CDK14: variants seen among roughly 807,000 people sequenced by gnomAD.
The protein encoded by CDK14 is cyclin-dependent kinase 14.
CDK14 carries 34 observed loss-of-function variants against 60.7 expected under a neutral mutation model. That is an observed-to-expected ratio of 0.56 (90% CI 0.43 to 0.75). The LOEUF (loss-of-function observed/expected upper bound fraction) is 0.75. CDK14 is among the 30% of genes least tolerant of loss of function. CDK14 has a pLI of 0.00. For synonymous variants in CDK14, 197 were observed against 203.7 expected (o/e 0.97, Z 0.28); for missense variants, 482 against 564.1 (o/e 0.85, Z 1.47).
At chr7:90,967,028 G>A (rs1018897275) in intron 9 of CDK14, among the ~76,000 whole-genome samples, 2 of 152,018 alleles carry the variant, frequency 1.3e-5, no homozygotes, top group Non-Finnish European at 2.9e-5. Flanking sequence ...GTTAGTGAGT[G>A]CTGCTTGAGG....
At chr7:90,710,919 A>T (rs144885091) in intron 2 of CDK14, among the ~76,000 whole-genome samples, 1 of 152,138 alleles carries the variant, frequency 6.6e-6, no homozygotes, top group Non-Finnish European at 1.5e-5. Context: ...AGTGAGATTA[A>T]TAACATTACT....
intron 11 of CDK14, among the ~76,000 whole-genome samples, chr7:91,061,146 C>A (rs1797771700): frequency 2.0e-5 from 3 of 152,004 alleles, no homozygotes; most frequent in Admixed American, 6.6e-5. Flanking sequence ...TCATTTCATT[C>A]ATTTGATCTT....
chr7:91,164,552 C>T (rs1017178297), intron 14 of CDK14, among the ~76,000 whole-genome samples: 2 of 152,170 alleles, frequency 1.3e-5, no homozygotes, highest in African/African-American at 4.8e-5. Context: ...GATGGCTCCT[C>T]CAGGTCTCAT....
intron 9 of CDK14, 147 bp downstream of exon 9, chr7:90,955,964 C>A: frequency 2.1e-6 from 2 of 945,010 alleles, no homozygotes; most frequent in Non-Finnish European, 3.2e-6. Context: ...TGTTTTAAAA[C>A]ATGATTGGGA....
At chr7:90,932,156 C>G (rs1793612371) in intron 8 of CDK14, among the ~76,000 whole-genome samples, 1 of 152,142 alleles carries the variant, frequency 6.6e-6, no homozygotes, top group Admixed American at 6.5e-5. Flanking sequence ...TCACAGCTGG[C>G]TTTGGATTTC....
intron 14 of CDK14, among the ~76,000 whole-genome samples, chr7:91,143,410 A>G (rs998637353): frequency 4.6e-5 from 7 of 152,160 alleles, no homozygotes; most frequent in South Asian, 2.1e-4. Flanking sequence ...ATAAAGCACA[A>G]TTGTAAGGTT....
At position 90,622,249 on chromosome 7, in the gene CDK14, A is replaced by G. The variant is rs531782756; in HGVS notation, c.123+18000A>G. On this transcript the variant is annotated intron_variant, in intron 2 of 14. Transcript: ENST00000380050. The stretch of plus-strand genomic sequence containing the variant: ...ACCGGTCAGATGTTGAGTGTTGTCA[A>G]TAATTTAGTGCCTGCATCTTTTTAT... Among the ~76,000 whole-genome samples the G allele has an allele frequency of 2.5e-4, 37 of 147,362 alleles. 1 individual carries two copies. In the South Asian group the frequency reaches 7.0e-3, roughly 28 times the overall value.
At chr7:91,006,475 A>G (rs1461401875) in intron 10 of CDK14, among the ~76,000 whole-genome samples, 1 of 152,198 alleles carries the variant, frequency 6.6e-6, no homozygotes, top group African/African-American at 2.4e-5. Flanking sequence ...GTGCTACTAA[A>G]TTCATTTTCT....
Position 90,726,727 on chromosome 7 carries a change from C to A in CDK14, c.284C>A (p.Ser95Tyr). ...GCTAATCAAGTAAAGAGGGTGCATT[C>A]TGAGAACAATGCTTGCATTAACTTT... ...KPANQVKRVHSENNACINFKT... is the reference protein window; with the variant it reads ...KPANQVKRVHYENNACINFKT... The change falls in exon 3 of 15, where the codon TCT (serine) becomes TAT (tyrosine). Residue 95 changes from serine to tyrosine, a missense_variant. Physicochemically the swap from Ser to Tyr is moderately radical, Grantham distance 144 (BLOSUM62 -2). Transcript: ENST00000380050. 1 of 1,613,850 alleles carries A rather than the reference C, an allele frequency of 6.2e-7. No homozygotes were observed. The highest frequency in any genetic ancestry group is 8.5e-7 in the Non-Finnish European group (1 of 1,179,808).
chr7:90,971,114 T>C (rs1330695475), intron 9 of CDK14, among the ~76,000 whole-genome samples: 2 of 151,262 alleles, frequency 1.3e-5, no homozygotes, highest in Non-Finnish European at 2.9e-5. Context: ...GTCCATGTGT[T>C]CTCATTGTTC....
chr7:91,027,581 G>A (rs1216399650), intron 10 of CDK14, among the ~76,000 whole-genome samples: 2 of 152,092 alleles, frequency 1.3e-5, no homozygotes, highest in African/African-American at 4.8e-5. Context: ...CCCATTTGTA[G>A]GTGAAAGTCT....
chr7:90,784,722 A>G (rs1267059308), intron 4 of CDK14, among the ~76,000 whole-genome samples: 2 of 152,146 alleles, frequency 1.3e-5, no homozygotes, highest in African/African-American at 4.8e-5. Flanking sequence ...CACTTTTAGG[A>G]TATTCCTGAA....
At chr7:90,795,114 A>G (rs887018864) in intron 5 of CDK14, among the ~76,000 whole-genome samples, 1 of 152,222 alleles carries the variant, frequency 6.6e-6, no homozygotes, top group Non-Finnish European at 1.5e-5. Context: ...TTTTGCATAT[A>G]AACAAAATAT....
chr7:91,054,700 G>T (rs1797502046), intron 11 of CDK14, among the ~76,000 whole-genome samples: 1 of 152,148 alleles, frequency 6.6e-6, no homozygotes, highest in Non-Finnish European at 1.5e-5. Context: ...TAGGTGCCAG[G>T]CAGTATTGTG....
intron 7 of CDK14, among the ~76,000 whole-genome samples, chr7:90,914,826 C>T (rs1385926413): frequency 6.6e-6 from 1 of 152,120 alleles, no homozygotes; most frequent in African/African-American, 2.4e-5. Flanking sequence ...CATTCCAAGG[C>T]GCCTGTTATT....
In CDK14 at chr7:91,051,692, T is replaced by C. The variant is rs969387446; in HGVS notation, c.1105+5732T>C. Among the ~76,000 whole-genome samples the C allele has an allele frequency of 1.3e-4, 20 of 152,106 alleles. 1 individual carries two copies. Among genetic ancestry groups the C allele is most frequent in the Admixed American group, 1.0e-3 (16 of 15,274 alleles). On this transcript the variant is annotated intron_variant, in intron 11 of 14. Coordinates refer to ENST00000380050, the MANE Select transcript of CDK14 (RefSeq NM_001287135.2). ...AGTGAGAGTCCACTGTAAAAATAAA[T>C]CATATTCCTTTTCATGGGTTCATAG...
rs1328365556 is a variant in CDK14, at chr7:90,804,380, G to T, written c.544+13728G>T. On this transcript the variant is annotated intron_variant, in intron 5 of 14. Coordinates refer to ENST00000380050, the MANE Select transcript of CDK14 (RefSeq NM_001287135.2). ...TCTCAATGCATACATGCAGTAATAT[G>T]ATGCACATTTATTGGGTTAAAATAT... Among the ~76,000 whole-genome samples, 5 of 152,246 alleles carry T rather than the reference G, an allele frequency of 3.3e-5. No homozygotes were observed. The East Asian group carries it at 9.6e-4, about 29-fold the overall frequency.
chr7:90,778,898 T>TCCTTCCTTC (rs77350633), intron 4 of CDK14, among the ~76,000 whole-genome samples: 6,454 of 125,118 alleles, frequency 0.052, 304 homozygotes, highest in East Asian at 0.11. Flanking sequence ...CTTCCTTCCT[T>TCCTTCCTTC]CTTTTCTCTC....
chr7:90,811,746 A>G (rs922036626), intron 5 of CDK14, among the ~76,000 whole-genome samples: 2 of 152,142 alleles, frequency 1.3e-5, no homozygotes, highest in African/African-American at 4.8e-5. Context: ...TCCAGAATCT[A>G]CAATGAACTC....
Sources: allele counts gnomAD v4.1 joint callset (sites outside exome capture counted in the v4.1 genomes callset), GRCh38; gene constraint gnomAD v4.1.1; transcripts MANE v1.5; gene names NCBI Gene and HGNC (gene_info 2026-07-23, HGNC 2026-07-21).